Variants in HNF4G observed in about 807,000 individuals in gnomAD.
HNF4G encodes hepatocyte nuclear factor 4-gamma.
A neutral mutation model predicts 50.9 loss-of-function variants in HNF4G; 21 were observed. The ratio of observed to expected loss-of-function variants is 0.41; its 90% confidence interval spans 0.29 to 0.59. The LOEUF is 0.59. HNF4G is among the 20% of genes least tolerant of loss of function. The pLI, the probability that HNF4G is intolerant of heterozygous loss-of-function variation, is 0.26. For synonymous variants in HNF4G, 198 were observed against 185.6 expected, an observed-to-expected ratio of 1.07 and a Z score of -0.54; for missense variants, 527 against 559.4, an observed-to-expected ratio of 0.94 and a Z score of 0.58.
chr8:75,491,609 G>A (rs147509677), intron 2 of HNF4G, among the ~76,000 whole-genome samples: 22 of 151,892 alleles, frequency 1.4e-4, no homozygotes, highest in East Asian at 7.8e-4. Flanking sequence ...CCCAAGTAGC[G>A]GGATTACAGG....
chr8:75,409,715 C>G (rs746260361), intron 1 of HNF4G, among the ~76,000 whole-genome samples: 4 of 151,972 alleles, frequency 2.6e-5, no homozygotes, highest in Admixed American at 6.6e-5. Context: ...TCTTGAACTC[C>G]TGACCTCGTG....
At chr8:75,429,224 CTAACA>C (rs1477079130) in intron 1 of HNF4G, among the ~76,000 whole-genome samples, 2 of 152,158 alleles carry the variant, frequency 1.3e-5, no homozygotes, top group Non-Finnish European at 2.9e-5. Flanking sequence ...ATTTGTACAC[CTAACA>C]TGTGTGCATC....
upstream of HNF4G, among the ~76,000 whole-genome samples, chr8:75,535,326 T>A (rs369977266): frequency 2.4e-3 from 354 of 149,598 alleles, 2 homozygotes; most frequent in African/African-American, 8.5e-3. Flanking sequence ...ATGGTTAGAT[T>A]AGGACAGTGG....
chr8:75,423,335 C>CTTTTTT (rs34511777), intron 1 of HNF4G, among the ~76,000 whole-genome samples: 479 of 94,556 alleles, frequency 5.1e-3, no homozygotes, highest in Non-Finnish European at 6.7e-3. Context: ...TTTTCTTTAT[C>CTTTTTT]TTTTTTTTTT....
In HNF4G at chr8:75,562,236, C is replaced by T. The variant is rs116839931; in HGVS notation, c.1247-1739C>T. On this transcript the variant is annotated intron_variant, in intron 9 of 9. Coordinates refer to ENST00000396423, the MANE Select transcript of HNF4G (RefSeq NM_004133.5). ...AGGGAACGTAGAAGCCATGGGACTG[C>T]GTGCTACCATGCCATCTTTTAGATA... is the stretch of plus-strand genomic sequence containing the variant. Among the ~76,000 whole-genome samples the T allele has an allele frequency of 6.3e-3, 956 of 152,112 alleles. 9 individuals carry two copies. Among genetic ancestry groups the T allele is most frequent in the African/African-American group, 0.022 (892 of 41,488 alleles).
intron 5 of HNF4G, among the ~76,000 whole-genome samples, chr8:75,554,251 A>G (rs1165878429): frequency 6.6e-6 from 1 of 152,200 alleles, no homozygotes; most frequent in Non-Finnish European, 1.5e-5. Flanking sequence ...CACCCCAAGC[A>G]ATATAAGTAG....
rs572472976 is a variant in HNF4G at position 75,419,113 on chromosome 8, A to G, written c.-144+10951A>G. ...TTTTCCCATCATGGCCTTTGAGTCA[A>G]TGATAGTGTTTTGATTAAATAGCAG... On this transcript the variant is annotated intron_variant, in intron 1 of 10. Coordinates refer to the HNF4G transcript ENST00000354370. Among the ~76,000 whole-genome samples, 123 of 152,296 alleles carry G rather than the reference A, an allele frequency of 8.1e-4. 1 individual carries two copies. Among genetic ancestry groups the G allele is most frequent in the African/African-American group, 2.9e-3 (122 of 41,560 alleles).
At chr8:75,544,650 GT>G (rs11320101) in intron 2 of HNF4G, among the ~76,000 whole-genome samples, 85,720 of 145,008 alleles carry the variant, frequency 0.59, 25,974 homozygotes, top group African/African-American at 0.77. Flanking sequence ...GTTTTCTTGG[GT>G]TTTTTTTTTT....
chr8:75,546,422 G>GT (rs1441086156), intron 2 of HNF4G, among the ~76,000 whole-genome samples: 2 of 151,940 alleles, frequency 1.3e-5, no homozygotes, highest in East Asian at 3.9e-4. Context: ...GTTTTTTAGT[G>GT]TATCCACAGA....
intron 2 of HNF4G, among the ~76,000 whole-genome samples, chr8:75,511,783 G>A (rs779673549): frequency 5.7e-4 from 87 of 152,154 alleles, no homozygotes; most frequent in Admixed American, 5.9e-4. Context: ...GTAGAGACGG[G>A]GTTTCACCGT....
chr8:75,539,857 A>C (rs1429262149), upstream of HNF4G: 3 of 630,528 alleles, frequency 4.8e-6, no homozygotes, highest in Non-Finnish European at 8.7e-6. Flanking sequence ...TCACTCAGTT[A>C]CAGTTAACTT....
rs568293296 is a variant in HNF4G at position 75,415,916 on chromosome 8, T to C, written c.-144+7754T>C. 7.9e-5 allele frequency among the ~76,000 whole-genome samples: 12 copies of C among 152,280 alleles called. No homozygotes were observed. The South Asian group carries it at 2.5e-3, about 32-fold the overall frequency. On this transcript the variant is annotated intron_variant, in intron 1 of 10. Coordinates refer to the HNF4G transcript ENST00000354370. The stretch of plus-strand genomic sequence containing the variant: ...TGTCCTGCTGAGCTCTGGCAGGTGG[T>C]ACAATAGGTTCTGATAAAGTTTGGG...
At chr8:75,515,846 A>G (rs1187383240) in intron 2 of HNF4G, among the ~76,000 whole-genome samples, 1 of 149,206 alleles carries the variant, frequency 6.7e-6, no homozygotes, top group African/African-American at 2.5e-5. Flanking sequence ...GCTCACCACA[A>G]CCTCCCCCTC....
At chr8:75,488,584 G>T (rs761579036) in intron 1 of HNF4G, among the ~76,000 whole-genome samples, 2 of 152,036 alleles carry the variant, frequency 1.3e-5, no homozygotes, top group Non-Finnish European at 2.9e-5. Flanking sequence ...GGCCTCATTG[G>T]ACGTTTTGGA....
At chr8:75,502,955 T>C (rs1218316714) in intron 2 of HNF4G, among the ~76,000 whole-genome samples, 2 of 152,214 alleles carry the variant, frequency 1.3e-5, no homozygotes, top group Admixed American at 6.5e-5. Flanking sequence ...GTAACATATT[T>C]GTACTTTGAA....
intron 5 of HNF4G, 57 bp downstream of exon 5, chr8:75,553,254 T>G: frequency 7.1e-7 from 1 of 1,402,408 alleles, no homozygotes; most frequent in South Asian, 1.2e-5. Flanking sequence ...TTTGCTAAGT[T>G]TATGTTCTTT....
At chr8:75,540,200 T>C in intron 1 of HNF4G, 120 bp downstream of exon 1, 1 of 614,096 alleles carries the variant, frequency 1.6e-6, no homozygotes, top group Non-Finnish European at 2.9e-6. Flanking sequence ...AGGGCTTGCT[T>C]TTAAGGCCAC....
chr8:75,462,002 C>T (rs919553681), intron 1 of HNF4G, among the ~76,000 whole-genome samples: 37 of 151,024 alleles, frequency 2.4e-4, no homozygotes, highest in Non-Finnish European at 4.3e-4. Context: ...ACTGCAACCT[C>T]CGCCTCCTGG....
chr8:75,511,944 C>T (rs1407102109), intron 2 of HNF4G, among the ~76,000 whole-genome samples: 3 of 152,068 alleles, frequency 2.0e-5, no homozygotes, highest in Non-Finnish European at 2.9e-5. Flanking sequence ...GTTTTTGTTC[C>T]TTTGGTGCAA....
Sources: gnomAD v4.1 joint callset for allele counts (sites outside exome capture counted in the v4.1 genomes callset) on GRCh38, gnomAD v4.1.1 for gene constraint, MANE v1.5 for transcripts, NCBI Gene and HGNC (gene_info 2026-07-23, HGNC 2026-07-21) for gene names.